Variants in SLX4IP observed in about 807,000 individuals in gnomAD.
SLX4IP encodes the protein protein SLX4IP.
In SLX4IP, 34 loss-of-function variants were observed where a neutral mutation model predicts 32.9. That is an observed-to-expected ratio of 1.03 (90% confidence interval 0.79 to 1.38). The LOEUF (loss-of-function observed/expected upper bound fraction) is 1.38. SLX4IP is among the 40% of genes most tolerant of loss of function. SLX4IP has a pLI of 0.00. For missense variants in SLX4IP, 444 were observed against 479.0 expected, an observed-to-expected ratio of 0.93 and a Z score of 0.68; for synonymous variants, 172 against 171.7, an observed-to-expected ratio of 1.00 and a Z score of -0.01.
intron 2 of SLX4IP, among the ~76,000 whole-genome samples, chr20:10,492,018 T>G (rs2065627757): frequency 6.6e-6 from 1 of 152,222 alleles, no homozygotes; most frequent in South Asian, 2.1e-4. Flanking sequence ...GCAGTCTGCT[T>G]TTACTACTCA....
rs141887096 is a variant in SLX4IP, at chr20:10,504,624, C to G, written c.27+46393C>G. Among the ~76,000 whole-genome samples, 7 of 152,252 alleles carry G rather than the reference C, an allele frequency of 4.6e-5. No homozygotes were observed. In the East Asian group the frequency reaches 9.7e-4, roughly 21 times the overall value. On this transcript the variant is annotated intron_variant, in intron 2 of 7. Coordinates refer to ENST00000334534, the MANE Select transcript of SLX4IP (RefSeq NM_001009608.3). ...TGTTGAGCTTATATTTCTCTCCTTG[C>G]AGCACAGAAGACCATTACTAGGTCT...
intron 2 of SLX4IP, among the ~76,000 whole-genome samples, chr20:10,483,879 T>C (rs888650248): frequency 1.3e-5 from 2 of 148,672 alleles, no homozygotes; most frequent in Admixed American, 1.4e-4. Context: ...ATTTGAGAAG[T>C]GCCCTCTCTA....
intron 2 of SLX4IP, 94 bp downstream of exon 2, chr20:10,458,325 C>T: frequency 7.8e-7 from 1 of 1,283,008 alleles, no homozygotes; most frequent in Non-Finnish European, 1.1e-6. Context: ...TCCTAACTTT[C>T]TGCTTTTTAC....
chr20:10,622,469 T>C (rs1168086013), intron 7 of SLX4IP, among the ~76,000 whole-genome samples, 190 bp from the exon 8 acceptor site: 2 of 152,092 alleles, frequency 1.3e-5, no homozygotes, highest in Non-Finnish European at 1.5e-5. Flanking sequence ...TATGTGAAGG[T>C]TTTTGCTTGA....
chr20:10,623,047 T>G lies in SLX4IP; in HGVS notation c.895T>G (p.Cys299Gly), dbSNP rs1372448991. The G allele has an allele frequency of 5.0e-6, 8 of 1,614,020 alleles. No homozygotes were observed. Among genetic ancestry groups the G allele is most frequent in the Non-Finnish European group, 6.8e-6 (8 of 1,180,002 alleles). Reference protein sequence around the residue: ...VAKTQQKRRNCSSAEDFDHHG... With the variant: ...VAKTQQKRRNGSSAEDFDHHG... ...CAAAACCCAACAGAAACGCAGGAAC[T>G]GCAGCTCTGCGGAAGACTTCGACCA... Residue 299 changes from cysteine (C) to glycine (G), a missense_variant, in exon 8 of 8, where the codon TGC becomes GGC. Cys to Gly is a radical substitution (Grantham distance 159, BLOSUM62 -3). Transcript: ENST00000334534.
chr20:10,474,491 T>A (rs2098437482), intron 2 of SLX4IP, among the ~76,000 whole-genome samples: 1 of 152,246 alleles, frequency 6.6e-6, no homozygotes, highest in Non-Finnish European at 1.5e-5. Flanking sequence ...CATTCTTTCC[T>A]AGACCCCCTT....
intron 2 of SLX4IP, among the ~76,000 whole-genome samples, chr20:10,487,689 GT>G (rs974777341): frequency 9.2e-5 from 14 of 152,270 alleles, no homozygotes; most frequent in Non-Finnish European, 1.9e-4. Context: ...TCGCACACAT[GT>G]TTCTTTTCCA....
At position 10,622,557 on chromosome 20, in the gene SLX4IP, C is replaced by T. The variant is rs905609663; in HGVS notation, c.507-102C>T. ...TGGGGAAGCGAGAGGGCAGGTAGTG[C>T]CTGCCTCCTTTTTCAGGTGTAGGAA... On this transcript the variant is annotated intron_variant, in intron 7 of 7. Transcript: ENST00000334534. 6.1e-6 allele frequency: 9 copies of T among 1,484,326 alleles called. No individual in the cohort carries two copies. The Admixed American group carries it at 8.7e-5, about 14-fold the overall frequency. 91.9% of individuals were successfully genotyped at this position (1,484,326 alleles called of 1,614,324 possible).
chr20:10,435,655 T>TG (rs2065104798), intron 1 of SLX4IP, among the ~76,000 whole-genome samples: 1 of 152,086 alleles, frequency 6.6e-6, no homozygotes, highest in South Asian at 2.1e-4. Flanking sequence ...GGCATTACGG[T>TG]GGAGATATTA....
At chr20:10,436,138 C>T (rs1734555478) in intron 1 of SLX4IP, among the ~76,000 whole-genome samples, 1 of 152,048 alleles carries the variant, frequency 6.6e-6, no homozygotes, top group Admixed American at 6.5e-5. Flanking sequence ...TATTTGTAAG[C>T]CAGTTGGCTA....
intron 2 of SLX4IP, among the ~76,000 whole-genome samples, chr20:10,540,077 CTTTT>C (rs2066086377): frequency 7.0e-6 from 1 of 143,382 alleles, no homozygotes; most frequent in South Asian, 2.2e-4. Context: ...TCTTTTCTTT[CTTTT>C]CTCTCCTTCC....
chr20:10,485,677 C>T (rs1459359097), intron 2 of SLX4IP, among the ~76,000 whole-genome samples: 2 of 151,556 alleles, frequency 1.3e-5, no homozygotes, highest in Non-Finnish European at 2.9e-5. Context: ...CTACTAATAG[C>T]CTAGTGTTGA....
intron 1 of SLX4IP, among the ~76,000 whole-genome samples, chr20:10,438,049 A>G (rs1349035680): frequency 6.6e-6 from 1 of 152,190 alleles, no homozygotes; most frequent in African/African-American, 2.4e-5. Flanking sequence ...GTAAATATTA[A>G]TTAACTATTG....
intron 4 of SLX4IP, among the ~76,000 whole-genome samples, chr20:10,576,232 G>A (rs1355158032): frequency 6.6e-6 from 1 of 152,094 alleles, no homozygotes; most frequent in East Asian, 1.9e-4. Context: ...TCTATAAACT[G>A]GGCAGGGGAA....
intron 1 of SLX4IP, among the ~76,000 whole-genome samples, chr20:10,436,377 G>A (rs1247545739): frequency 1.3e-5 from 2 of 150,206 alleles, no homozygotes; most frequent in Non-Finnish European, 3.0e-5. Flanking sequence ...TTTTTTTTTA[G>A]ATGGAGTCTC....
At chr20:10,516,662 A>G (rs535722079) in intron 2 of SLX4IP, among the ~76,000 whole-genome samples, 5 of 152,364 alleles carry the variant, frequency 3.3e-5, no homozygotes, top group African/African-American at 1.2e-4. Flanking sequence ...TCACCCCATC[A>G]AAGACAGCTG....
intron 2 of SLX4IP, among the ~76,000 whole-genome samples, chr20:10,541,564 C>A (rs1050529665): frequency 6.6e-6 from 1 of 152,150 alleles, no homozygotes; most frequent in South Asian, 2.1e-4. Flanking sequence ...TTCACACCAG[C>A]CTCATTTCAG....
intron 2 of SLX4IP, among the ~76,000 whole-genome samples, chr20:10,485,381 T>C (rs1346546757): frequency 1.3e-5 from 2 of 152,014 alleles, no homozygotes; most frequent in African/African-American, 4.8e-5. Context: ...GGCTGGCAGA[T>C]CATTTGAGGC....
chr20:10,510,623 T>G (rs1389501403), intron 2 of SLX4IP, among the ~76,000 whole-genome samples: 3 of 136,030 alleles, frequency 2.2e-5, no homozygotes, highest in Non-Finnish European at 3.3e-5. Context: ...TTTTTTTTTT[T>G]GAGATGCAGT....
Sources: gnomAD v4.1 joint callset for allele counts (sites outside exome capture counted in the v4.1 genomes callset) on GRCh38, gnomAD v4.1.1 for gene constraint, MANE v1.5 for transcripts, NCBI Gene and HGNC (gene_info 2026-07-23, HGNC 2026-07-21) for gene names.